PHF8: variants seen among roughly 807,000 people sequenced by gnomAD.
The protein encoded by PHF8 is histone lysine demethylase PHF8.
A neutral mutation model predicts 74.4 loss-of-function variants in PHF8; 9 were observed. The ratio of observed to expected loss-of-function variants is 0.12; its 90% CI spans 0.07 to 0.21. The LOEUF is 0.21. Among genes scored for constraint, PHF8 ranks in the 10% least tolerant of loss-of-function variants. PHF8 has a pLI of 1.00. For missense variants in PHF8, 478 were observed against 816.6 expected (o/e 0.59, Z 5.05); for synonymous variants, 311 against 316.6 (o/e 0.98, Z 0.19).
intron 6 of PHF8, 86 bp downstream of exon 6, chrX:54,016,504 AAAAAG>A: frequency 1.2e-6 from 1 of 844,615 alleles, no homozygotes; most frequent in Non-Finnish European, 1.7e-6. Flanking sequence ...AAAAAAAAAA[AAAAAG>A]AGAGAGAAAC....
chrX:53,953,064 A>G lies in PHF8; in HGVS notation c.2540-8821T>C, dbSNP rs1463129879. ...CTGAGGCGGCCGATCACCTGAGGTC[A>G]GGAGTTTGAGACCAGTTTGGCCAAC... is the stretch of plus-strand genomic sequence containing the variant. On this transcript the variant is annotated intron_variant, in intron 19 of 21. Transcript: ENST00000338154. Among the ~76,000 whole-genome samples the G allele has an allele frequency of 3.7e-5, 4 of 108,707 alleles. No individual in the cohort carries two copies. In the Admixed American group the frequency reaches 3.9e-4, roughly 11 times the overall value. The allele number at this position is 108,707 out of a possible 115,157, so 94.4% of individuals were successfully genotyped here. A position where few individuals can be genotyped will look rare whatever the true frequency, so the allele number is the denominator to read the frequency against.
intron 14 of PHF8, among the ~76,000 whole-genome samples, chrX:53,988,750 G>A (rs1225271087): frequency 1.1e-5 from 1 of 89,297 alleles, no homozygotes; most frequent in Non-Finnish European, 2.1e-5. Flanking sequence ...GCAAGACTCC[G>A]TCTCAAAAAA....
intron 4 of PHF8, among the ~76,000 whole-genome samples, chrX:54,019,751 G>A (rs2066134611): frequency 1.1e-5 from 1 of 89,700 alleles, no homozygotes; most frequent in Non-Finnish European, 2.1e-5. Context: ...TTGCACCACT[G>A]CACTCCAGCC....
intron 2 of PHF8, among the ~76,000 whole-genome samples, chrX:54,032,016 G>T (rs4427306): frequency 3.7e-5 from 4 of 109,436 alleles, no homozygotes; most frequent in African/African-American, 1.3e-4. Flanking sequence ...CAGTAGCCCC[G>T]AAATTCTCCC....
chrX:53,958,769 C>G (rs1484331734), intron 19 of PHF8, among the ~76,000 whole-genome samples: 1 of 88,341 alleles, frequency 1.1e-5, no homozygotes, highest in Non-Finnish European at 2.2e-5. Context: ...GAGCAAGACT[C>G]CCTCTCAAAA....
chrX:53,944,590 T>C (rs56389245), intron 19 of PHF8: 24,148 of 204,507 alleles, frequency 0.12, 1,617 homozygotes, highest in African/African-American at 0.29. Flanking sequence ...TGGTGGCATG[T>C]GCCTGTAGTC....
chrX:53,986,353 G>A (rs782285863), intron 16 of PHF8, among the ~76,000 whole-genome samples: 2 of 111,824 alleles, frequency 1.8e-5, no homozygotes, highest in Non-Finnish European at 3.8e-5. Context: ...GCGATTCTTC[G>A]GCCTCAGCCT....
Position 53,985,829 on chromosome X carries a change from A to G in PHF8, c.2116T>C (p.Tyr706His). 8.3e-7 allele frequency: 1 copy of G among 1,211,730 alleles called. No homozygotes were observed. The highest frequency in any genetic ancestry group is 1.1e-6 in the Non-Finnish European group (1 of 895,391). The change falls in exon 17 of 22, where the codon TAT (tyrosine) becomes CAT (histidine). Residue 706 changes from tyrosine (Y) to histidine (H), a missense_variant. Tyr to His is a moderately conservative substitution (Grantham distance 83). Coordinates refer to ENST00000338154, the MANE Select transcript of PHF8 (RefSeq NM_015107.3). ...GCCAGTACTCACGTGAGGGCAGCAT[A>G]GTCAGGTCCCCCCACCTGCCTGCTG... ...KASRQVGGPDYAALTEAPASP... is the reference protein window; with the variant it reads ...KASRQVGGPDHAALTEAPASP...
chrX:53,984,886 C>T (rs990346269), intron 18 of PHF8, 28 bp downstream of exon 18: 5 of 1,160,774 alleles, frequency 4.3e-6, no homozygotes, highest in South Asian at 3.6e-5. Flanking sequence ...CCCTTCTGGC[C>T]TGAACCCATG....
Position 53,938,999 on chromosome X carries a change from G to C in PHF8, c.*159C>G. 1 of 1,037,082 alleles carries C rather than the reference G, an allele frequency of 9.6e-7. No homozygotes were observed. The highest frequency in any genetic ancestry group is 1.2e-6 in the Non-Finnish European group (1 of 811,136). 85.5% of individuals were successfully genotyped at this position (1,037,082 alleles called of 1,213,427 possible). On this transcript the variant is annotated 3_prime_UTR_variant, in exon 22 of 22. Coordinates refer to ENST00000338154, the MANE Select transcript of PHF8 (RefSeq NM_015107.3). ...TGAAAGTGGGGAAGGGAACTAGAAG[G>C]AGTCGGTGGAGGGGTCCGTGCCTTT...
At chrX:54,023,218 C>A (rs1291719027) in intron 2 of PHF8, among the ~76,000 whole-genome samples, 2 of 111,234 alleles carry the variant, frequency 1.8e-5, no homozygotes, top group African/African-American at 3.3e-5. Context: ...TTCAAGTGAT[C>A]CACCTGCCTC....
At chrX:53,956,677 T>TGTGTGTG (rs2065018451) in intron 19 of PHF8, among the ~76,000 whole-genome samples, 1 of 95,039 alleles carries the variant, frequency 1.1e-5, no homozygotes, top group Admixed American at 1.1e-4. Flanking sequence ...AATATGTGCG[T>TGTGTGTG]GTGTGTGTGT....
chrX:53,944,318 C>T, intron 19 of PHF8, 75 bp from the exon 20 acceptor site: 1 of 758,311 alleles, frequency 1.3e-6, no homozygotes, highest in Non-Finnish European at 2.0e-6. Flanking sequence ...TACCTCCAAG[C>T]TCTCCAAAGG....
intron 2 of PHF8, among the ~76,000 whole-genome samples, chrX:54,026,594 TTTTTG>T (rs2066272050): frequency 9.0e-6 from 1 of 110,594 alleles, no homozygotes; most frequent in Non-Finnish European, 1.9e-5. Flanking sequence ...TTCCTTAATG[TTTTTG>T]TTTTGTTTTG....
intron 4 of PHF8, among the ~76,000 whole-genome samples, chrX:54,021,083 T>C (rs1218087388): frequency 2.7e-5 from 3 of 112,342 alleles, no homozygotes; most frequent in Non-Finnish European, 5.6e-5. Flanking sequence ...GTGGTACATA[T>C]ATATCATGGA....
Position 53,992,817 on chromosome X carries a change from A to G in PHF8, c.1649T>C (p.Leu550Ser). The G allele has an allele frequency of 8.3e-7, 1 of 1,197,779 alleles. No homozygotes were observed. Among genetic ancestry groups the G allele is most frequent in the South Asian group, 1.8e-5 (1 of 56,187 alleles). ...KAKFNITGAC[L>S]NDSDDDSPDL... ...TGGTGAGTCGTCATCTGAGTCATTC[A>G]AGCAGGCACCAGTGATGTTGAACTG... The change falls in exon 14 of 22, where the codon TTG becomes TCG. Residue 550 changes from leucine (L) to serine (S), a missense_variant. By Grantham distance (145) the Leu-to-Ser change is moderately radical. Coordinates refer to ENST00000338154, the MANE Select transcript of PHF8 (RefSeq NM_015107.3).
chrX:53,990,675 A>T (rs2149835567), intron 14 of PHF8, among the ~76,000 whole-genome samples: 1 of 111,494 alleles, frequency 9.0e-6, no homozygotes, highest in Non-Finnish European at 1.9e-5. Context: ...TTCCACCCAG[A>T]TGGGCCCAGA....
intron 19 of PHF8, among the ~76,000 whole-genome samples, chrX:53,950,731 G>T (rs2064910099): frequency 8.9e-6 from 1 of 112,479 alleles, no homozygotes; most frequent in South Asian, 3.6e-4. Context: ...AAAGTTTACA[G>T]ACTTTACAGA....
intron 5 of PHF8, 89 bp downstream of exon 5, chrX:54,017,572 G>A: frequency 1.2e-6 from 1 of 820,255 alleles, no homozygotes; most frequent in East Asian, 3.2e-5. Context: ...TGGTTACAGA[G>A]GAAATGCAAA....
Sources: allele counts gnomAD v4.1 joint callset (sites outside exome capture counted in the v4.1 genomes callset), GRCh38; gene constraint gnomAD v4.1.1; transcripts MANE v1.5; gene names NCBI Gene and HGNC (gene_info 2026-07-23, HGNC 2026-07-21).